Variants in SPATA17 observed in about 807,000 individuals in gnomAD.
The protein encoded by SPATA17 is spermatogenesis-associated protein 17.
In SPATA17, 53 loss-of-function variants were observed where a neutral mutation model predicts 62.2. The ratio of observed to expected loss-of-function variants is 0.85; its 90% CI spans 0.68 to 1.07. SPATA17 has a LOEUF of 1.07. Among genes scored for constraint, SPATA17 ranks in the 50% least tolerant of loss-of-function variants. The pLI is 0.00. For missense variants in SPATA17, 466 were observed against 425.5 expected (o/e 1.10, Z -0.84); for synonymous variants, 146 against 146.8 (o/e 0.99, Z 0.04).
chr1:217,687,029 T>C (rs1671231665), intron 5 of SPATA17, among the ~76,000 whole-genome samples: 2 of 152,244 alleles, frequency 1.3e-5, no homozygotes, highest in Admixed American at 6.5e-5. Flanking sequence ...GCATGATAGC[T>C]TTTAAATATT....
At chr1:217,650,526 C>T (rs549181201) in intron 2 of SPATA17, among the ~76,000 whole-genome samples, 83 of 152,232 alleles carry the variant, frequency 5.5e-4, no homozygotes, top group Admixed American at 1.2e-3. Context: ...AAGTGATTCT[C>T]CTGCCTCAGC....
intron 1 of SPATA17, among the ~76,000 whole-genome samples, chr1:217,636,372 C>T (rs1283419662): frequency 6.6e-6 from 1 of 151,798 alleles, no homozygotes; most frequent in African/African-American, 2.4e-5. Context: ...TATCCAAATT[C>T]AAGGACACTG....
At chr1:217,720,428 CT>C (rs550397130) in intron 5 of SPATA17, among the ~76,000 whole-genome samples, 3 of 152,092 alleles carry the variant, frequency 2.0e-5, no homozygotes, top group Admixed American at 1.3e-4. Flanking sequence ...GCAATGAGAT[CT>C]GCTAGTTCTT....
In SPATA17 at chr1:217,714,794, G is replaced by A. The variant is rs145562479; in HGVS notation, c.396-27181G>A. Among the ~76,000 whole-genome samples, 466 of 150,858 alleles carry A rather than the reference G, an allele frequency of 3.1e-3. 5 individuals carry two copies. The highest frequency in any genetic ancestry group is 0.011 in the African/African-American group (428 of 40,592). On this transcript the variant is annotated intron_variant, in intron 5 of 10. Coordinates refer to ENST00000366933, the MANE Select transcript of SPATA17 (RefSeq NM_138796.4). ...GCCACCGCGCCCAGCCGGAAAACGTGTTTCTAATAATGAGAGCTATTCAAT... is the reference window on the plus strand; with the variant it reads ...GCCACCGCGCCCAGCCGGAAAACGTATTTCTAATAATGAGAGCTATTCAAT...
At chr1:217,681,618 C>A (rs185501991) in intron 4 of SPATA17, among the ~76,000 whole-genome samples, 1 of 152,134 alleles carries the variant, frequency 6.6e-6, no homozygotes, top group South Asian at 2.1e-4. Context: ...AGGCTGGTCT[C>A]GAACTCCAGA....
At chr1:217,658,013 T>A (rs1312123269) in intron 3 of SPATA17, among the ~76,000 whole-genome samples, 1 of 152,188 alleles carries the variant, frequency 6.6e-6, no homozygotes, top group Non-Finnish European at 1.5e-5. Flanking sequence ...TTGTTCCCTA[T>A]CTATGAGGAC....
chr1:217,766,989 A>C (rs1010152851), intron 6 of SPATA17, among the ~76,000 whole-genome samples: 1 of 151,958 alleles, frequency 6.6e-6, no homozygotes, highest in African/African-American at 2.4e-5. Flanking sequence ...ATAAGTGAAA[A>C]CACTGTGATA....
intron 1 of SPATA17, among the ~76,000 whole-genome samples, chr1:217,644,478 A>T (rs2102879409): frequency 6.6e-6 from 1 of 152,302 alleles, no homozygotes; most frequent in Non-Finnish European, 1.5e-5. Context: ...ACTGTCTAAA[A>T]TAGTTACAAG....
At position 217,853,968 on chromosome 1, in the gene SPATA17, G is replaced by A. The variant is rs140606189; in HGVS notation, c.1006-8806G>A. On this transcript the variant is annotated intron_variant, in intron 9 of 10. Transcript: ENST00000366933. ...AGTTTAATTGAGCAATGAACGATTCGTGAATCGGGCAGCCCCCAGAATCAT... is the reference window on the plus strand; with the variant it reads ...AGTTTAATTGAGCAATGAACGATTCATGAATCGGGCAGCCCCCAGAATCAT... Among the ~76,000 whole-genome samples the A allele has an allele frequency of 5.7e-3, 863 of 152,230 alleles. 5 individuals carry two copies. The highest frequency in any genetic ancestry group is 7.6e-3 in the Non-Finnish European group (519 of 68,004).
At chr1:217,763,655 A>G (rs977867011) in intron 6 of SPATA17, among the ~76,000 whole-genome samples, 3 of 152,224 alleles carry the variant, frequency 2.0e-5, no homozygotes, top group African/African-American at 4.8e-5. Context: ...GGGGGTAAGC[A>G]CAGCAGATGG....
chr1:217,654,280 G>A (rs1670385355), intron 3 of SPATA17, among the ~76,000 whole-genome samples: 1 of 151,800 alleles, frequency 6.6e-6, no homozygotes, highest in Admixed American at 6.6e-5. Context: ...TGGAATTACA[G>A]GGACCTGCCA....
intron 3 of SPATA17, among the ~76,000 whole-genome samples, chr1:217,666,538 A>G (rs1234378946): frequency 2.0e-5 from 3 of 150,332 alleles, no homozygotes; most frequent in Non-Finnish European, 4.4e-5. Flanking sequence ...TTTTTTTTTT[A>G]GTTTTTAAAA....
intron 5 of SPATA17, among the ~76,000 whole-genome samples, chr1:217,736,787 A>C (rs1672517785): frequency 6.6e-6 from 1 of 152,246 alleles, no homozygotes; most frequent in Non-Finnish European, 1.5e-5. Flanking sequence ...GTTGTACATT[A>C]GAATTATTTA....
chr1:217,656,260 G>A (rs185656173), intron 3 of SPATA17, among the ~76,000 whole-genome samples: 2 of 152,136 alleles, frequency 1.3e-5, no homozygotes, highest in African/African-American at 2.4e-5. Context: ...CTTGGAATGT[G>A]TATTTATTTT....
At chr1:217,837,525 G>A (rs1675288750) in intron 9 of SPATA17, among the ~76,000 whole-genome samples, 1 of 152,044 alleles carries the variant, frequency 6.6e-6, no homozygotes, top group African/African-American at 2.4e-5. Context: ...TAACCATACT[G>A]TTGCATGTTG....
chr1:217,808,806 G>A (rs576575112), intron 9 of SPATA17, among the ~76,000 whole-genome samples: 1 of 150,782 alleles, frequency 6.6e-6, no homozygotes, highest in African/African-American at 2.4e-5. Context: ...AGTGAGCTGA[G>A]ATCGCGCCAC....
intron 6 of SPATA17, among the ~76,000 whole-genome samples, chr1:217,751,674 T>G (rs907137719): frequency 6.6e-6 from 1 of 152,182 alleles, no homozygotes; most frequent in Non-Finnish European, 1.5e-5. Flanking sequence ...AGTGAAGTGG[T>G]TTTAAAAAAA....
intron 9 of SPATA17, among the ~76,000 whole-genome samples, chr1:217,804,715 A>G (rs1340754706): frequency 6.6e-6 from 1 of 152,226 alleles, no homozygotes; most frequent in African/African-American, 2.4e-5. Context: ...ACCTCTTTTA[A>G]AAATGGGCAA....
chr1:217,779,977 A>T (rs937474441), intron 7 of SPATA17, among the ~76,000 whole-genome samples: 1 of 152,184 alleles, frequency 6.6e-6, no homozygotes, highest in Non-Finnish European at 1.5e-5. Context: ...TTAAAAAACC[A>T]TAGCTAAGAG....
Sources: gnomAD v4.1 joint callset for allele counts (sites outside exome capture counted in the v4.1 genomes callset) on GRCh38, gnomAD v4.1.1 for gene constraint, MANE v1.5 for transcripts, NCBI Gene and HGNC (gene_info 2026-07-23, HGNC 2026-07-21) for gene names.